CORIN: variants seen among roughly 807,000 people sequenced by gnomAD.
The protein encoded by CORIN is corin, serine peptidase.
Under a neutral mutation model 125.3 loss-of-function variants are expected in CORIN, and 117 were observed. That is an observed-to-expected ratio of 0.93 (90% confidence interval 0.80 to 1.09). The LOEUF (loss-of-function observed/expected upper bound fraction) is 1.09, where lower values mean the gene tolerates loss of function less well. CORIN is among the 50% of genes least tolerant of loss of function. CORIN has a pLI of 0.00. For synonymous variants in CORIN, 450 were observed against 466.4 expected, an observed-to-expected ratio of 0.96 and a Z score of 0.45; for missense variants, 1,253 against 1,306.7, an observed-to-expected ratio of 0.96 and a Z score of 0.63.
chr4:47,654,024 T>C lies in CORIN; in HGVS notation c.1736-364A>G, dbSNP rs191657098. Among the ~76,000 whole-genome samples the C allele has an allele frequency of 1.7e-3, 263 of 152,344 alleles. 1 individual carries two copies. Among genetic ancestry groups the C allele is most frequent in the African/African-American group, 5.8e-3 (243 of 41,580 alleles). ...ATTTTCACATCCCCATCTTTCCACC[T>C]AGTCCACAATTCCATTTCTGTACTT... On this transcript the variant is annotated intron_variant, in intron 12 of 21. Transcript: ENST00000273857.
At chr4:47,703,139 A>T (rs1726386988) in intron 5 of CORIN, among the ~76,000 whole-genome samples, 1 of 152,166 alleles carries the variant, frequency 6.6e-6, no homozygotes, top group African/African-American at 2.4e-5. Flanking sequence ...CAGCGGTTGG[A>T]TGCCAAGATT....
chr4:47,805,186 A>G (rs914896095), intron 2 of CORIN, among the ~76,000 whole-genome samples: 1 of 150,500 alleles, frequency 6.6e-6, no homozygotes, highest in Non-Finnish European at 1.5e-5. Flanking sequence ...GTATAATTGG[A>G]TTATAAAAAA....
chr4:47,768,371 C>T lies in CORIN; in HGVS notation c.410-4785G>A, dbSNP rs144443755. On this transcript the variant is annotated intron_variant, in intron 3 of 21. Coordinates refer to ENST00000273857, the MANE Select transcript of CORIN (RefSeq NM_006587.4). Reference sequence around the variant, plus strand: ...CATCACAGAAAAGCCCAGGACCTGACGTCTTCACTATTAATTCCACAAAAC... The same window carrying T: ...CATCACAGAAAAGCCCAGGACCTGATGTCTTCACTATTAATTCCACAAAAC... Among the ~76,000 whole-genome samples the T allele has an allele frequency of 1.4e-3, 207 of 152,280 alleles. 1 individual carries two copies. The highest frequency in any genetic ancestry group is 4.8e-3 in the African/African-American group (198 of 41,552).
Position 47,795,187 on chromosome 4 carries a change from C to T in CORIN, c.209-8262G>A, listed in dbSNP as rs73135985. Among the ~76,000 whole-genome samples, 498 of 152,208 alleles carry T rather than the reference C, an allele frequency of 3.3e-3. 3 individuals are homozygous for T. Among genetic ancestry groups the T allele is most frequent in the African/African-American group, 0.011 (459 of 41,546 alleles). The stretch of plus-strand genomic sequence containing the variant: ...TTCTAGTGCTATACTGCTTTGATTG[C>T]TGTAGCCTCATAATATAGTTTGAAA... On this transcript the variant is annotated intron_variant, in intron 2 of 21. Coordinates refer to ENST00000273857, the MANE Select transcript of CORIN (RefSeq NM_006587.4).
At chr4:47,638,188 G>A (rs990423717) in intron 16 of CORIN, among the ~76,000 whole-genome samples, 3 of 151,398 alleles carry the variant, frequency 2.0e-5, no homozygotes, top group East Asian at 3.9e-4. Context: ...CCCAATGCCT[G>A]TACCCCCATT....
chr4:47,770,023 C>T (rs1729949806), intron 3 of CORIN, among the ~76,000 whole-genome samples: 1 of 151,932 alleles, frequency 6.6e-6, no homozygotes, highest in Non-Finnish European at 1.5e-5. Flanking sequence ...GGGATTACAT[C>T]AAACTAAAAA....
At chr4:47,788,848 C>T (rs1315368303) in intron 2 of CORIN, among the ~76,000 whole-genome samples, 4 of 152,094 alleles carry the variant, frequency 2.6e-5, no homozygotes, top group Admixed American at 1.3e-4. Flanking sequence ...CAATTGTTCA[C>T]GGTTGTACCC....
intron 4 of CORIN, among the ~76,000 whole-genome samples, chr4:47,762,288 A>G (rs2109868863): frequency 1.3e-5 from 2 of 152,268 alleles, no homozygotes; most frequent in South Asian, 4.1e-4. Flanking sequence ...CAGTAAATGC[A>G]TGCAATTTTA....
intron 5 of CORIN, among the ~76,000 whole-genome samples, chr4:47,725,435 T>A (rs965054131): frequency 2.0e-5 from 3 of 152,008 alleles, no homozygotes; most frequent in Non-Finnish European, 2.9e-5. Context: ...CATAAATTAA[T>A]GAAACAGAAT....
intron 19 of CORIN, among the ~76,000 whole-genome samples, chr4:47,604,790 G>A (rs940406703): frequency 6.6e-6 from 1 of 152,086 alleles, no homozygotes; most frequent in Non-Finnish European, 1.5e-5. Flanking sequence ...CTTAGTCCCT[G>A]TAGTCCATTT....
At chr4:47,728,466 A>G (rs17654453) in intron 5 of CORIN, among the ~76,000 whole-genome samples, 15,052 of 152,238 alleles carry the variant, frequency 0.099, 884 homozygotes, top group East Asian at 0.27. Flanking sequence ...AAGATCTATC[A>G]GCTATGATTA....
chr4:47,686,477 C>T (rs1444969180), intron 6 of CORIN, among the ~76,000 whole-genome samples: 1 of 152,142 alleles, frequency 6.6e-6, no homozygotes, highest in East Asian at 1.9e-4. Context: ...GCAGAGGGCG[C>T]TATTTCCCCA....
intron 5 of CORIN, among the ~76,000 whole-genome samples, chr4:47,729,546 A>G (rs1236633747): frequency 6.6e-6 from 1 of 152,162 alleles, no homozygotes; most frequent in African/African-American, 2.4e-5. Flanking sequence ...CAGAGACGCA[A>G]TCAGGGCCAG....
At chr4:47,752,730 T>A (rs561807321) in intron 4 of CORIN, among the ~76,000 whole-genome samples, 1 of 152,224 alleles carries the variant, frequency 6.6e-6, no homozygotes, top group East Asian at 1.9e-4. Context: ...AAGATGGGCA[T>A]AAATAATGTA....
intron 3 of CORIN, among the ~76,000 whole-genome samples, chr4:47,769,005 C>G (rs1258082501): frequency 1.3e-5 from 2 of 152,108 alleles, no homozygotes; most frequent in East Asian, 1.9e-4. Flanking sequence ...AAAAGGCAAT[C>G]AAATCAGAAA....
chr4:47,785,459 T>A (rs1329001935), intron 3 of CORIN, among the ~76,000 whole-genome samples: 1 of 151,912 alleles, frequency 6.6e-6, no homozygotes, highest in Admixed American at 6.6e-5. Flanking sequence ...AACTAACAAA[T>A]CCTTCCCTTT....
chr4:47,617,136 A>T (rs1164179680), intron 19 of CORIN, among the ~76,000 whole-genome samples: 1 of 152,196 alleles, frequency 6.6e-6, no homozygotes, highest in Non-Finnish European at 1.5e-5. Context: ...GGAGACAGAG[A>T]ATAAGCTGTC....
chr4:47,726,393 T>G (rs1018067996), intron 5 of CORIN, among the ~76,000 whole-genome samples: 8 of 152,140 alleles, frequency 5.3e-5, no homozygotes, highest in South Asian at 2.1e-4. Flanking sequence ...CTGATACATG[T>G]AACAACATGG....
chr4:47,772,121 A>ATAGG (rs1229029057), intron 3 of CORIN, among the ~76,000 whole-genome samples: 1 of 138,874 alleles, frequency 7.2e-6, no homozygotes, highest in Admixed American at 7.3e-5. Context: ...AGATAGGTAG[A>ATAGG]TAGATAATTG....
Sources: allele counts gnomAD v4.1 joint callset (sites outside exome capture counted in the v4.1 genomes callset), GRCh38; gene constraint gnomAD v4.1.1; transcripts MANE v1.5; gene names NCBI Gene and HGNC (gene_info 2026-07-23, HGNC 2026-07-21).